SPICE1: variants seen among roughly 807,000 people sequenced by gnomAD.
SPICE1 encodes the protein spindle and centriole associated protein 1.
Under a neutral mutation model 102.7 loss-of-function variants are expected in SPICE1, and 75 were observed. The observed-to-expected ratio is 0.73, with a 90% CI of 0.61 to 0.88. The LOEUF (loss-of-function observed/expected upper bound fraction) is 0.88. SPICE1 is among the 40% of genes least tolerant of loss of function. The pLI is 0.00. For missense variants in SPICE1, 979 were observed against 1,020.1 expected (o/e 0.96, Z 0.55); for synonymous variants, 308 against 350.3 (o/e 0.88, Z 1.35).
intron 7 of SPICE1, among the ~76,000 whole-genome samples, chr3:113,486,433 A>T (rs1235367683): frequency 6.6e-6 from 1 of 150,954 alleles, no homozygotes; most frequent in Non-Finnish European, 1.5e-5. Context: ...TGAAAAGATC[A>T]ACAAAATAGA....
chr3:113,510,355 T>C (rs571680551), intron 1 of SPICE1, among the ~76,000 whole-genome samples: 2 of 152,202 alleles, frequency 1.3e-5, no homozygotes, highest in Non-Finnish European at 2.9e-5. Flanking sequence ...GGCATCATGC[T>C]ACCCTACTTC....
chr3:113,500,342 C>T (rs13078180), intron 3 of SPICE1, among the ~76,000 whole-genome samples: 3,419 of 152,098 alleles, frequency 0.022, 58 homozygotes, highest in Non-Finnish European at 0.035. Flanking sequence ...AATAAAAAAT[C>T]AATCCATTAA....
In SPICE1 at chr3:113,450,358, C is replaced by T. The variant is rs11920725; in HGVS notation, c.2301G>A (p.Gln767=). The part of the protein sequence containing the change: ...LNLSPPMSPV[Q]LPLRAWTEGA... Reference sequence around the variant, plus strand: ...AACCAGTCCATGCTCTGAGAGGTAACTGAACAGGTGACATTGGTGGAGAAA... The same window carrying T: ...AACCAGTCCATGCTCTGAGAGGTAATTGAACAGGTGACATTGGTGGAGAAA... The change falls in exon 15 of 18, where the codon CAG becomes CAA. Residue 767 remains glutamine, a synonymous_variant. Coordinates refer to ENST00000295872, the MANE Select transcript of SPICE1 (RefSeq NM_144718.4). 73,979 of 1,613,922 alleles carry T rather than the reference C, an allele frequency of 0.046. 2,128 individuals carry two copies. The highest frequency in any genetic ancestry group is 0.11 in the African/African-American group (8,343 of 74,954).
rs1935477126 is a variant in SPICE1, at chr3:113,444,920, A to G, written c.*387T>C. On this transcript the variant is annotated 3_prime_UTR_variant, in exon 18 of 18. Transcript: ENST00000295872. ...ACAGAGGAATTTTATTGTAAGTTAC[A>G]TGCAAAGCAAATTAGTTCTTCAGGA... is the stretch of plus-strand genomic sequence containing the variant. 6.5e-6 allele frequency: 1 copy of G among 153,626 alleles called. No individual in the cohort carries two copies. The highest frequency in any genetic ancestry group is 1.4e-5 in the Non-Finnish European group (1 of 69,020). The allele number at this position is 153,626 out of a possible 1,614,324, so 9.5% of individuals were successfully genotyped here.
At chr3:113,480,269 G>A (rs1936460632) in intron 7 of SPICE1, among the ~76,000 whole-genome samples, 1 of 149,532 alleles carries the variant, frequency 6.7e-6, no homozygotes, top group African/African-American at 2.4e-5. Context: ...AAGGAGGAAA[G>A]CTATCAGCCT....
At position 113,472,164 on chromosome 3, in the gene SPICE1, C is replaced by T. The variant is rs921662930; in HGVS notation, c.612-2926G>A. ...CCTGGCTCGGAGGGTCTTACGCCCACAGAGTCTCACTGATTGCTAGCACAG... is the reference window on the plus strand; with the variant it reads ...CCTGGCTCGGAGGGTCTTACGCCCATAGAGTCTCACTGATTGCTAGCACAG... On this transcript the variant is annotated intron_variant, in intron 7 of 17. Transcript: ENST00000295872. Among the ~76,000 whole-genome samples, 48 of 152,226 alleles carry T rather than the reference C, an allele frequency of 3.2e-4. 1 individual carries two copies. The highest frequency in any genetic ancestry group is 1.7e-4 in the African/African-American group (7 of 41,460).
intron 7 of SPICE1, among the ~76,000 whole-genome samples, 155 bp from the exon 8 acceptor site, chr3:113,469,393 T>C (rs1301495103): frequency 6.8e-6 from 1 of 146,708 alleles, no homozygotes; most frequent in African/African-American, 2.5e-5. Context: ...ATTTTATATA[T>C]AAATATGCAT....
intron 11 of SPICE1, among the ~76,000 whole-genome samples, chr3:113,461,185 A>T (rs1471634483): frequency 6.6e-6 from 1 of 152,062 alleles, no homozygotes; most frequent in African/African-American, 2.4e-5. Flanking sequence ...TAAACTGGTA[A>T]ACATGAACAG....
chr3:113,467,763 G>T (rs572942590), intron 10 of SPICE1, among the ~76,000 whole-genome samples: 1 of 152,312 alleles, frequency 6.6e-6, no homozygotes, highest in South Asian at 2.1e-4. Context: ...TCTCCAAACT[G>T]AATGTGGGAG....
At chr3:113,504,203 G>A (rs1176796343) in intron 2 of SPICE1, among the ~76,000 whole-genome samples, 1 of 152,132 alleles carries the variant, frequency 6.6e-6, no homozygotes, top group Non-Finnish European at 1.5e-5. Flanking sequence ...AGGCTGCACA[G>A]CTCTAAGTAG....
At chr3:113,454,071 T>C (rs755002978) in intron 13 of SPICE1, 121 bp from the exon 14 acceptor site, 21 of 931,874 alleles carry the variant, frequency 2.3e-5, no homozygotes, top group African/African-American at 1.2e-4. Context: ...GTTTGGCTTC[T>C]GAATGCTTAA....
chr3:113,446,097 A>T (rs905182962), intron 17 of SPICE1, among the ~76,000 whole-genome samples: 1 of 152,244 alleles, frequency 6.6e-6, no homozygotes, highest in African/African-American at 2.4e-5. Context: ...ATCAAAATAC[A>T]TGAAGAACAC....
intron 12 of SPICE1, chr3:113,459,607 G>A (rs1381528082): frequency 1.0e-6 from 1 of 985,238 alleles, no homozygotes; most frequent in Non-Finnish European, 1.2e-6. Flanking sequence ...AGACTTGCCA[G>A]GTGCGGTGGC....
chr3:113,448,287 CTT>C (rs79613651), intron 15 of SPICE1, 147 bp from the exon 16 acceptor site: 8,638 of 457,152 alleles, frequency 0.019, no homozygotes, highest in East Asian at 0.028. Flanking sequence ...ACTTGAAAGA[CTT>C]TTTTTTTTTT....
intron 11 of SPICE1, among the ~76,000 whole-genome samples, chr3:113,464,075 A>G (rs760157704): frequency 6.6e-6 from 1 of 151,978 alleles, no homozygotes; most frequent in African/African-American, 2.4e-5. Context: ...CTCAAAAAAA[A>G]AAAGAAAAAG....
At chr3:113,477,814 A>G (rs1409294794) in intron 7 of SPICE1, among the ~76,000 whole-genome samples, 1 of 151,308 alleles carries the variant, frequency 6.6e-6, no homozygotes, top group Non-Finnish European at 1.5e-5. Flanking sequence ...GAGGGATGGC[A>G]TTAGGAGATA....
At chr3:113,501,215 A>G (rs959024573) in intron 3 of SPICE1, among the ~76,000 whole-genome samples, 2 of 152,178 alleles carry the variant, frequency 1.3e-5, no homozygotes, top group African/African-American at 2.4e-5. Flanking sequence ...TTTAGCAAAA[A>G]ATAAAGTTGG....
At chr3:113,473,071 C>T (rs1214418697) in intron 7 of SPICE1, among the ~76,000 whole-genome samples, 1 of 151,978 alleles carries the variant, frequency 6.6e-6, no homozygotes, top group African/African-American at 2.4e-5. Context: ...CTAGGATAAC[C>T]AATACAGAGA....
intron 17 of SPICE1, among the ~76,000 whole-genome samples, chr3:113,445,767 A>C (rs1935497885): frequency 6.6e-6 from 1 of 152,228 alleles, no homozygotes; most frequent in Non-Finnish European, 1.5e-5. Flanking sequence ...CAAATCTCCT[A>C]GAACTGGACA....
Sources: gnomAD v4.1 joint callset for allele counts (sites outside exome capture counted in the v4.1 genomes callset) on GRCh38, gnomAD v4.1.1 for gene constraint, MANE v1.5 for transcripts, NCBI Gene and HGNC (gene_info 2026-07-23, HGNC 2026-07-21) for gene names.